The following IQCJ variants were observed in gnomAD, a reference collection of about 807,000 sequenced individuals.
IQCJ encodes IQ motif containing J.
In IQCJ, 9 loss-of-function variants were observed where a neutral mutation model predicts 11.0. The ratio of observed to expected loss-of-function variants is 0.82; its 90% CI spans 0.49 to 1.43. The LOEUF is 1.43. Among genes scored for constraint, IQCJ ranks in the 40% most tolerant of loss-of-function variants. The pLI, the probability that IQCJ is intolerant of heterozygous loss-of-function variation, is 0.00. For missense variants in IQCJ, 146 were observed against 133.2 expected, an observed-to-expected ratio of 1.10 and a Z score of -0.47; for synonymous variants, 55 against 51.3, an observed-to-expected ratio of 1.07 and a Z score of -0.31.
chr3:159,261,002 G>A (rs1237880102), intron 3 of IQCJ, among the ~76,000 whole-genome samples: 2 of 152,082 alleles, frequency 1.3e-5, no homozygotes, highest in Non-Finnish European at 2.9e-5. Context: ...TTTTCCTTGA[G>A]CATTGTAATT....
Position 159,190,141 on chromosome 3 carries a change from T to A in IQCJ, c.10-55702T>A, listed in dbSNP as rs570506164. On this transcript the variant is annotated intron_variant, in intron 1 of 3. Coordinates refer to ENST00000397832, the MANE Select transcript of IQCJ (RefSeq NM_001042706.3). ...TGGCTGGCCCTAAGTACCAGTTCCCTGTGTGTGACCAGAGGATTAGCACCC... is the reference window on the plus strand; with the variant it reads ...TGGCTGGCCCTAAGTACCAGTTCCCAGTGTGTGACCAGAGGATTAGCACCC... 3.3e-5 allele frequency among the ~76,000 whole-genome samples: 5 copies of A among 152,292 alleles called. No individual in the cohort carries two copies. The South Asian group carries it at 6.2e-4, about 19-fold the overall frequency.
chr3:159,198,351 G>A (rs1724116703), intron 1 of IQCJ, among the ~76,000 whole-genome samples: 1 of 152,150 alleles, frequency 6.6e-6, no homozygotes, highest in Non-Finnish European at 1.5e-5. Flanking sequence ...TCTAGTATAT[G>A]CAAAGCATGC....
At chr3:159,198,997 A>T (rs1312958564) in intron 1 of IQCJ, among the ~76,000 whole-genome samples, 1 of 152,202 alleles carries the variant, frequency 6.6e-6, no homozygotes, top group Non-Finnish European at 1.5e-5. Flanking sequence ...ATTCACTTAG[A>T]ATATTCAAAG....
chr3:159,225,729 A>G (rs528201586), intron 1 of IQCJ, among the ~76,000 whole-genome samples: 1 of 152,048 alleles, frequency 6.6e-6, no homozygotes, highest in South Asian at 2.1e-4. Context: ...CAATTCACCA[A>G]CTGGGTGCAG....
intron 1 of IQCJ, among the ~76,000 whole-genome samples, chr3:159,116,751 T>C (rs141640724): frequency 3.7e-3 from 553 of 150,562 alleles, no homozygotes; most frequent in African/African-American, 8.9e-3. Context: ...TAAACATCTC[T>C]GTAAACCTTC....
rs1374018373 is a variant in IQCJ, at chr3:159,084,534, G to A, written c.9+15093G>A. Among the ~76,000 whole-genome samples, 5 of 152,214 alleles carry A rather than the reference G, an allele frequency of 3.3e-5. No individual in the cohort carries two copies. The East Asian group carries it at 9.7e-4, about 29-fold the overall frequency. On this transcript the variant is annotated intron_variant, in intron 1 of 3. Transcript: ENST00000397832. ...GAGACATTGTGCATCCTGTAGACATGTTCCTTATTCACTCTTCACAACAAT... is the reference window on the plus strand; with the variant it reads ...GAGACATTGTGCATCCTGTAGACATATTCCTTATTCACTCTTCACAACAAT...
Position 159,260,896 on chromosome 3 carries a change from C to T in IQCJ, c.156-1652C>T, listed in dbSNP as rs142679158. ...CTCATCAGGATCTTGGAAGAGGCTC[C>T]TGGCCTTTAAGTAAGAACCCCTAAA... On this transcript the variant is annotated intron_variant, in intron 3 of 3. Transcript: ENST00000397832. Among the ~76,000 whole-genome samples the T allele has an allele frequency of 1.6e-3, 241 of 152,186 alleles. 1 individual carries two copies. Among genetic ancestry groups the T allele is most frequent in the Middle Eastern group, 3.4e-3 (1 of 294 alleles).
intron 1 of IQCJ, among the ~76,000 whole-genome samples, chr3:159,092,943 G>A (rs1447445927): frequency 6.6e-6 from 1 of 151,584 alleles, no homozygotes; most frequent in Non-Finnish European, 1.5e-5. Context: ...GGACTTATGA[G>A]CTGATAAAAT....
At chr3:159,232,460 T>C (rs1726318413) in intron 1 of IQCJ, among the ~76,000 whole-genome samples, 1 of 144,368 alleles carries the variant, frequency 6.9e-6, no homozygotes, top group African/African-American at 2.6e-5. Context: ...TCTTTTTTTT[T>C]TTTTTTTTTT....
At chr3:159,152,912 A>G (rs1374717716) in intron 1 of IQCJ, among the ~76,000 whole-genome samples, 3 of 151,914 alleles carry the variant, frequency 2.0e-5, no homozygotes, top group Non-Finnish European at 2.9e-5. Context: ...GTAGTACGCC[A>G]TAAGTGACCC....
intron 1 of IQCJ, among the ~76,000 whole-genome samples, chr3:159,143,370 C>T (rs1360024145): frequency 2.0e-5 from 3 of 152,202 alleles, no homozygotes; most frequent in Non-Finnish European, 4.4e-5. Context: ...CTCAATAGTT[C>T]CTTACCCCAC....
intron 1 of IQCJ, among the ~76,000 whole-genome samples, chr3:159,078,766 T>C (rs1442226141): frequency 2.0e-5 from 3 of 152,044 alleles, no homozygotes; most frequent in African/African-American, 7.2e-5. Context: ...TCCAGGTAGA[T>C]CTAGTTTCTC....
intron 1 of IQCJ, among the ~76,000 whole-genome samples, chr3:159,144,689 C>G (rs1453937652): frequency 1.4e-5 from 2 of 139,202 alleles, no homozygotes; most frequent in Non-Finnish European, 3.2e-5. Flanking sequence ...CACACACACA[C>G]AGAGTTCCTG....
At chr3:159,088,818 C>A (rs1451054596) in intron 1 of IQCJ, among the ~76,000 whole-genome samples, 4 of 152,054 alleles carry the variant, frequency 2.6e-5, no homozygotes, top group Non-Finnish European at 4.4e-5. Context: ...TGTGTCTCTG[C>A]ACGTGAGATG....
chr3:159,233,507 T>C (rs13067585), intron 1 of IQCJ, among the ~76,000 whole-genome samples: 14,889 of 152,260 alleles, frequency 0.098, 937 homozygotes, highest in Middle Eastern at 0.13. Context: ...TTGAAGAGTC[T>C]GAGATACATA....
intron 1 of IQCJ, among the ~76,000 whole-genome samples, chr3:159,083,583 T>C (rs1716483552): frequency 6.6e-6 from 1 of 152,154 alleles, no homozygotes; most frequent in East Asian, 1.9e-4. Flanking sequence ...GTGCTTACCA[T>C]GCAACAGTAT....
chr3:159,089,068 T>G (rs1479502373), intron 1 of IQCJ, among the ~76,000 whole-genome samples: 1 of 152,196 alleles, frequency 6.6e-6, no homozygotes, highest in Non-Finnish European at 1.5e-5. Flanking sequence ...CGGTTGTTCC[T>G]TTACATGTTT....
chr3:159,089,145 T>C (rs1278198955), intron 1 of IQCJ, among the ~76,000 whole-genome samples: 3 of 152,194 alleles, frequency 2.0e-5, no homozygotes, highest in Non-Finnish European at 2.9e-5. Context: ...CATTTGCTTG[T>C]CTGTAAAGTA....
intron 1 of IQCJ, among the ~76,000 whole-genome samples, chr3:159,194,293 GGTTGGCTGCCC>G (rs1267037428): frequency 6.6e-6 from 1 of 152,134 alleles, no homozygotes; most frequent in African/African-American, 2.4e-5. Context: ...TCAATATCCT[GGTTGGCTGCCC>G]GTCTATCTTG....
Sources: gnomAD v4.1 joint callset for allele counts (sites outside exome capture counted in the v4.1 genomes callset) on GRCh38, gnomAD v4.1.1 for gene constraint, MANE v1.5 for transcripts, NCBI Gene and HGNC (gene_info 2026-07-23, HGNC 2026-07-21) for gene names.